Variants in SETD3 observed in about 807,000 individuals in gnomAD.
SETD3 encodes the protein actin-histidine N-methyltransferase.
A neutral mutation model predicts 63.0 loss-of-function variants in SETD3; 19 were observed. The ratio of observed to expected loss-of-function variants is 0.30; its 90% CI spans 0.21 to 0.44. SETD3 has a LOEUF of 0.44. Among genes scored for constraint, SETD3 ranks in the 20% least tolerant of loss-of-function variants. The probability of loss-of-function intolerance (pLI) is 1.00; values close to 1 mark genes in which losing one functional copy is unlikely to be tolerated. For synonymous variants in SETD3, 286 were observed against 264.1 expected, an observed-to-expected ratio of 1.08 and a Z score of -0.80; for missense variants, 587 against 728.5, an observed-to-expected ratio of 0.81 and a Z score of 2.24.
intron 6 of SETD3, among the ~76,000 whole-genome samples, chr14:99,417,676 T>C (rs760246159): frequency 1.3e-5 from 2 of 152,206 alleles, no homozygotes; most frequent in Admixed American, 6.5e-5. Context: ...ATTATGTGAA[T>C]CCCTAATTCA....
chr14:99,470,190 T>G (rs1447401974), intron 1 of SETD3, among the ~76,000 whole-genome samples: 1 of 152,314 alleles, frequency 6.6e-6, no homozygotes, highest in Non-Finnish European at 1.5e-5. Context: ...GGCAAGATTT[T>G]TCACATACTT....
intron 1 of SETD3, among the ~76,000 whole-genome samples, chr14:99,469,131 TG>T (rs1895557535): frequency 6.6e-6 from 1 of 152,256 alleles, no homozygotes; most frequent in Admixed American, 6.5e-5. Context: ...GTCGAGTACT[TG>T]TAACTCCAAT....
chr14:99,399,836 C>T (rs1388089507), intron 12 of SETD3, among the ~76,000 whole-genome samples: 1 of 150,652 alleles, frequency 6.6e-6, no homozygotes, highest in East Asian at 1.9e-4. Flanking sequence ...CTGCAACCTC[C>T]GCCTCCTGGG....
chr14:99,479,825 C>T (rs1232559393), intron 1 of SETD3, among the ~76,000 whole-genome samples: 1 of 152,212 alleles, frequency 6.6e-6, no homozygotes, highest in African/African-American at 2.4e-5. Flanking sequence ...CAAAATAACA[C>T]GGTCCGAGTG....
chr14:99,470,811 T>G (rs1895660059), intron 1 of SETD3, among the ~76,000 whole-genome samples: 1 of 152,160 alleles, frequency 6.6e-6, no homozygotes. Flanking sequence ...CACCCCTAAC[T>G]CAAAGCACCT....
At chr14:99,465,192 C>A (rs1458910949) in intron 2 of SETD3, among the ~76,000 whole-genome samples, 1 of 152,156 alleles carries the variant, frequency 6.6e-6, no homozygotes, top group East Asian at 1.9e-4. Context: ...AAAGGCGAGC[C>A]ATTCCAGTGA....
intron 6 of SETD3, among the ~76,000 whole-genome samples, chr14:99,422,412 C>T: frequency 6.6e-6 from 1 of 152,184 alleles, no homozygotes; most frequent in East Asian, 1.9e-4. Flanking sequence ...CTACTTTCAA[C>T]TCTCCTTATT....
chr14:99,475,283 T>C lies in SETD3; in HGVS notation c.-9+5445A>G, dbSNP rs185334546. On this transcript the variant is annotated intron_variant, in intron 1 of 12. Transcript: ENST00000331768. ...TCAATCCCACGCGTGTTTAAGATCA[T>C]GGTGCCGGATGTTATGGAGCAGTCA... is the stretch of plus-strand genomic sequence containing the variant. Among the ~76,000 whole-genome samples, 508 of 152,356 alleles carry C rather than the reference T, an allele frequency of 3.3e-3. 3 individuals are homozygous for C. Among genetic ancestry groups the C allele is most frequent in the Non-Finnish European group, 5.7e-3 (385 of 68,034 alleles).
At chr14:99,400,774 C>T (rs1292559779) in intron 11 of SETD3, among the ~76,000 whole-genome samples, 3 of 152,136 alleles carry the variant, frequency 2.0e-5, no homozygotes, top group Non-Finnish European at 2.9e-5. Context: ...AAGCCACGTT[C>T]GTAACAAGCC....
chr14:99,463,046 G>A (rs1895161578), intron 3 of SETD3, among the ~76,000 whole-genome samples: 2 of 152,186 alleles, frequency 1.3e-5, no homozygotes, highest in Admixed American at 1.3e-4. Context: ...TAAAAACACA[G>A]CTTAAGGAAT....
At chr14:99,424,346 A>C (rs1566697682) in intron 6 of SETD3, among the ~76,000 whole-genome samples, 1 of 152,212 alleles carries the variant, frequency 6.6e-6, no homozygotes, top group Admixed American at 6.5e-5. Flanking sequence ...GGAAGAACGA[A>C]GCAGGAACGT....
At position 99,469,957 on chromosome 14, in the gene SETD3, G is replaced by T. The variant is rs1227911101; in HGVS notation, c.-8-4144C>A. Reference sequence around the variant, plus strand: ...CCTATTCTTAAACTTCATATAAGTGGAATTCTACACTGTGTAGGTTTCTTT... The same window carrying T: ...CCTATTCTTAAACTTCATATAAGTGTAATTCTACACTGTGTAGGTTTCTTT... On this transcript the variant is annotated intron_variant, in intron 1 of 12. Transcript: ENST00000331768. Among the ~76,000 whole-genome samples the T allele has an allele frequency of 2.6e-5, 4 of 152,160 alleles. No individual in the cohort carries two copies. The East Asian group carries it at 7.7e-4, about 29-fold the overall frequency.
At position 99,401,938 on chromosome 14, in the gene SETD3, G is replaced by A. The variant is rs180756022; in HGVS notation, c.1178-1679C>T. 4.6e-5 allele frequency among the ~76,000 whole-genome samples: 7 copies of A among 152,296 alleles called. No homozygotes were observed. In the East Asian group the frequency reaches 1.3e-3, roughly 29 times the overall value. ...TGGAGAAATAAAGCCTACAAAAAGG[G>A]GAGTAAGACAATGTAGCATGTGGCC... On this transcript the variant is annotated intron_variant, in intron 11 of 12. Coordinates refer to ENST00000331768, the MANE Select transcript of SETD3 (RefSeq NM_032233.3).
rs571015868 is a variant in SETD3, at chr14:99,416,356, C to T, written c.676-2422G>A. On this transcript the variant is annotated intron_variant, in intron 6 of 12. Transcript: ENST00000331768. ...TTAGATGAAAATCTTTAAGCTCATACGTTATACAAAAGATAACTGAGCGTT... is the reference window on the plus strand; with the variant it reads ...TTAGATGAAAATCTTTAAGCTCATATGTTATACAAAAGATAACTGAGCGTT... 2.8e-4 allele frequency among the ~76,000 whole-genome samples: 43 copies of T among 152,272 alleles called. 2 individuals carry two copies. The South Asian group carries it at 8.1e-3, about 29-fold the overall frequency.
At chr14:99,424,019 G>A (rs1892742653) in intron 6 of SETD3, among the ~76,000 whole-genome samples, 1 of 150,688 alleles carries the variant, frequency 6.6e-6, no homozygotes, top group Non-Finnish European at 1.5e-5. Context: ...CCATTTTGTT[G>A]GAGCATTCAA....
intron 6 of SETD3, among the ~76,000 whole-genome samples, chr14:99,436,024 C>G (rs1463577002): frequency 2.6e-5 from 4 of 152,084 alleles, no homozygotes; most frequent in African/African-American, 7.2e-5. Context: ...GGAAGCAAGG[C>G]ACCTTCTTCA....
chr14:99,453,723 G>A (rs1466523573), intron 6 of SETD3, among the ~76,000 whole-genome samples: 1 of 151,964 alleles, frequency 6.6e-6, no homozygotes, highest in Non-Finnish European at 1.5e-5. Flanking sequence ...CTACTCAGGA[G>A]GCTGAGGCAG....
At chr14:99,465,085 G>A (rs908726018) in intron 2 of SETD3, among the ~76,000 whole-genome samples, 5 of 152,176 alleles carry the variant, frequency 3.3e-5, no homozygotes, top group Non-Finnish European at 5.9e-5. Flanking sequence ...GCAGTGAGTC[G>A]TCATAGTGCC....
chr14:99,409,408 T>C (rs1891856456), intron 8 of SETD3, among the ~76,000 whole-genome samples: 1 of 152,264 alleles, frequency 6.6e-6, no homozygotes, highest in South Asian at 2.1e-4. Context: ...CCGGAGTTTG[T>C]TGGCAATGCT....
Sources: allele counts gnomAD v4.1 joint callset (sites outside exome capture counted in the v4.1 genomes callset), GRCh38; gene constraint gnomAD v4.1.1; transcripts MANE v1.5; gene names NCBI Gene and HGNC (gene_info 2026-07-23, HGNC 2026-07-21).